Variants in NSUN3 observed in about 807,000 individuals in gnomAD.
The protein encoded by NSUN3 is NOP2/Sun RNA methyltransferase 3.
Under a neutral mutation model 36.8 loss-of-function variants are expected in NSUN3, and 24 were observed. That is an observed-to-expected ratio of 0.65 (90% CI 0.47 to 0.92). The LOEUF is 0.92. NSUN3 is among the 40% of genes least tolerant of loss of function. NSUN3 has a pLI of 0.00. For missense variants in NSUN3, 381 were observed against 392.8 expected, an observed-to-expected ratio of 0.97 and a Z score of 0.25; for synonymous variants, 146 against 145.2, an observed-to-expected ratio of 1.01 and a Z score of -0.04.
intron 5 of NSUN3, among the ~76,000 whole-genome samples, chr3:94,115,586 A>G (rs372525503): frequency 3.3e-5 from 5 of 152,232 alleles, no homozygotes; most frequent in African/African-American, 7.2e-5. Context: ...TAGCGATGAC[A>G]TAAAAAGAAT....
chr3:94,096,911 A>G (rs1227866059), intron 5 of NSUN3, among the ~76,000 whole-genome samples: 1 of 152,184 alleles, frequency 6.6e-6, no homozygotes, highest in Non-Finnish European at 1.5e-5. Flanking sequence ...TACATTTTTT[A>G]AAACCATAAG....
intron 5 of NSUN3, among the ~76,000 whole-genome samples, chr3:94,102,671 C>A (rs188760722): frequency 6.6e-6 from 1 of 152,012 alleles, no homozygotes; most frequent in Admixed American, 6.6e-5. Context: ...GTACACACTT[C>A]TTTTTAACAA....
At chr3:94,114,664 C>A (rs921727) in intron 5 of NSUN3, among the ~76,000 whole-genome samples, 51,084 of 152,024 alleles carry the variant, frequency 0.34, 9,589 homozygotes, top group East Asian at 0.54. Flanking sequence ...GTTTGTTACA[C>A]GGATGTGTTG....
At position 94,129,669 on chromosome 3, in the gene NSUN3, A is replaced by C. The variant is rs768841829; in HGVS notation, c.*3179A>C. 1.3e-5 allele frequency among the ~76,000 whole-genome samples: 2 copies of C among 152,098 alleles called. No individual in the cohort carries two copies. Among genetic ancestry groups the C allele is most frequent in the Non-Finnish European group, 2.9e-5 (2 of 68,010 alleles). On this transcript the variant is annotated 3_prime_UTR_variant, in exon 6 of 6. Coordinates refer to ENST00000314622, the MANE Select transcript of NSUN3 (RefSeq NM_022072.5). Reference sequence around the variant, plus strand: ...AAGCTGAAATTATTTTTTAATGAGAAGATAAACCATAATTATAATGAAATA... The same window carrying C: ...AAGCTGAAATTATTTTTTAATGAGACGATAAACCATAATTATAATGAAATA...
intron 5 of NSUN3, among the ~76,000 whole-genome samples, chr3:94,104,048 A>G (rs1229914880): frequency 6.6e-6 from 1 of 152,188 alleles, no homozygotes; most frequent in Non-Finnish European, 1.5e-5. Flanking sequence ...TTTAAGCAGA[A>G]TGTTCCTGGT....
intron 2 of NSUN3, among the ~76,000 whole-genome samples, chr3:94,071,069 G>A (rs1490485870): frequency 1.3e-5 from 2 of 152,182 alleles, no homozygotes; most frequent in African/African-American, 4.8e-5. Context: ...TAAAAATGAT[G>A]TTGAATCCTG....
At chr3:94,108,497 A>G (rs756420470) in intron 5 of NSUN3, among the ~76,000 whole-genome samples, 143 of 151,978 alleles carry the variant, frequency 9.4e-4, no homozygotes, top group Non-Finnish European at 1.9e-3. Flanking sequence ...AGTAGCTGGG[A>G]CTACAGGCGC....
Position 94,109,831 on chromosome 3 carries a change from A to G in NSUN3, c.743+14677A>G, listed in dbSNP as rs2077408643. On this transcript the variant is annotated intron_variant, in intron 5 of 5. Coordinates refer to ENST00000314622, the MANE Select transcript of NSUN3 (RefSeq NM_022072.5). ...AAGGAGTTTTTGACGATTACATAGC[A>G]AAGTTACCAAGATATATGACATTTT... Among the ~76,000 whole-genome samples the G allele has an allele frequency of 1.3e-5, 2 of 152,216 alleles. 1 individual carries two copies. The highest frequency in any genetic ancestry group is 4.1e-4 in the South Asian group (2 of 4,834).
chr3:94,068,325 GT>G (rs1469104947), intron 2 of NSUN3, among the ~76,000 whole-genome samples: 7 of 152,232 alleles, frequency 4.6e-5, no homozygotes, highest in African/African-American at 1.7e-4. Context: ...GGCAAAATTA[GT>G]TTTGCCCTTC....
intron 5 of NSUN3, among the ~76,000 whole-genome samples, chr3:94,119,436 G>T (rs976079677): frequency 6.6e-6 from 1 of 152,152 alleles, no homozygotes; most frequent in Non-Finnish European, 1.5e-5. Context: ...TATGGCTCTG[G>T]GGGAGGGGGA....
intron 5 of NSUN3, among the ~76,000 whole-genome samples, chr3:94,105,820 C>T (rs957617359): frequency 3.3e-5 from 5 of 151,942 alleles, no homozygotes; most frequent in African/African-American, 1.2e-4. Flanking sequence ...AATCTCCATT[C>T]ATAAGCACAT....
chr3:94,107,342 C>T (rs2077394070), intron 5 of NSUN3, among the ~76,000 whole-genome samples: 1 of 152,050 alleles, frequency 6.6e-6, no homozygotes, highest in African/African-American at 2.4e-5. Flanking sequence ...CTCTGTCGTC[C>T]AGGAGTGCAG....
At chr3:94,089,222 G>T (rs1009975649) in intron 3 of NSUN3, among the ~76,000 whole-genome samples, 7 of 152,074 alleles carry the variant, frequency 4.6e-5, no homozygotes, top group African/African-American at 1.7e-4. Context: ...CATGAGTGGG[G>T]CAGGAGAGGG....
chr3:94,076,695 G>T (rs1482829582), intron 2 of NSUN3: 6 of 1,259,228 alleles, frequency 4.8e-6, no homozygotes, highest in Non-Finnish European at 7.0e-6. Context: ...GAAAGATCTG[G>T]TTTAGGATGT....
chr3:94,124,450 T>A (rs1332964461), intron 5 of NSUN3, among the ~76,000 whole-genome samples: 1 of 152,156 alleles, frequency 6.6e-6, no homozygotes. Context: ...ATCACAGTTT[T>A]GGATGCCAGA....
intron 2 of NSUN3, among the ~76,000 whole-genome samples, chr3:94,064,850 GA>G (rs905317642): frequency 2.0e-5 from 3 of 151,928 alleles, no homozygotes; most frequent in Non-Finnish European, 2.9e-5. Context: ...TACTGTAAAA[GA>G]AAAAAACATA....
intron 2 of NSUN3, among the ~76,000 whole-genome samples, chr3:94,072,109 A>G (rs1391833004): frequency 1.3e-5 from 2 of 152,172 alleles, no homozygotes; most frequent in Non-Finnish European, 2.9e-5. Flanking sequence ...AGCTGCTTCT[A>G]TAGGCAGGAT....
chr3:94,104,979 C>T (rs932414117), intron 5 of NSUN3, among the ~76,000 whole-genome samples: 1 of 152,016 alleles, frequency 6.6e-6, no homozygotes, highest in Non-Finnish European at 1.5e-5. Context: ...ATTTGAAAAG[C>T]TTTTAATGGA....
intron 5 of NSUN3, among the ~76,000 whole-genome samples, chr3:94,110,912 T>G (rs1307629573): frequency 1.3e-5 from 2 of 152,108 alleles, no homozygotes; most frequent in Admixed American, 6.6e-5. Flanking sequence ...ATAACCACCC[T>G]GGATTGTGAG....
Sources: allele counts gnomAD v4.1 joint callset (sites outside exome capture counted in the v4.1 genomes callset), GRCh38; gene constraint gnomAD v4.1.1; transcripts MANE v1.5; gene names NCBI Gene and HGNC (gene_info 2026-07-23, HGNC 2026-07-21).